LINGO2: variants seen among roughly 807,000 people sequenced by gnomAD.
LINGO2 encodes leucine-rich repeat and immunoglobulin-like domain-containing nogo receptor-interacting protein 2.
Under a neutral mutation model 30.6 loss-of-function variants are expected in LINGO2, and 14 were observed. The observed-to-expected ratio is 0.46, with a 90% CI of 0.30 to 0.72. The LOEUF is 0.72. Among genes scored for constraint, LINGO2 ranks in the 30% least tolerant of loss-of-function variants. LINGO2 has a pLI of 0.07. For synonymous variants in LINGO2, 317 were observed against 288.5 expected (o/e 1.10, Z -1.00); for missense variants, 729 against 751.7 (o/e 0.97, Z 0.35).
At chr9:28,370,185 CCT>C (rs1284914622) in intron 3 of LINGO2, among the ~76,000 whole-genome samples, 3 of 152,218 alleles carry the variant, frequency 2.0e-5, no homozygotes, top group South Asian at 2.1e-4. Context: ...GCCTCTGGAT[CCT>C]CTCTATCTAT....
chr9:28,722,383 C>G, the LINGO2 span, among the ~76,000 whole-genome samples: 7 of 152,070 alleles, frequency 4.6e-5, no homozygotes, highest in Admixed American at 3.9e-4. Context: ...GGGACTAAAT[C>G]TGTATAATTA....
At chr9:28,799,970 T>A in the LINGO2 span, among the ~76,000 whole-genome samples, 2 of 151,338 alleles carry the variant, frequency 1.3e-5, no homozygotes. Flanking sequence ...AGCAAAAAAC[T>A]TTTTTTTTCA....
chr9:28,257,553 T>C (rs941682427), intron 4 of LINGO2, among the ~76,000 whole-genome samples: 2 of 151,962 alleles, frequency 1.3e-5, no homozygotes, highest in African/African-American at 4.8e-5. Context: ...TATAATTCAG[T>C]AACAGAAAAT....
At chr9:28,675,928 TACACACACAC>T in the LINGO2 span, among the ~76,000 whole-genome samples, 1 of 135,680 alleles carries the variant, frequency 7.4e-6, no homozygotes, top group Admixed American at 7.6e-5. Flanking sequence ...TATATATACA[TACACACACAC>T]ACACACACAC....
chr9:28,209,944 TTA>T (rs938428083), intron 4 of LINGO2, among the ~76,000 whole-genome samples: 5 of 151,748 alleles, frequency 3.3e-5, no homozygotes, highest in Non-Finnish European at 7.4e-5. Context: ...TTCCACCAAC[TTA>T]TCTCCTTAGC....
chr9:28,630,584 A>G (rs62548185), intron 1 of LINGO2, among the ~76,000 whole-genome samples: 12,087 of 152,128 alleles, frequency 0.079, 668 homozygotes, highest in Admixed American at 0.2. Flanking sequence ...CTATCAGACT[A>G]ACAACACACA....
the LINGO2 span, among the ~76,000 whole-genome samples, chr9:28,793,439 GC>G: frequency 1.3e-5 from 2 of 152,118 alleles, no homozygotes; most frequent in Non-Finnish European, 2.9e-5. Flanking sequence ...TCTGCCTTTT[GC>G]GGAGAGTTGT....
chr9:28,848,363 TTGTGTGTG>T, the LINGO2 span, among the ~76,000 whole-genome samples: 57 of 74,652 alleles, frequency 7.6e-4, no homozygotes, highest in Middle Eastern at 0.014. Context: ...TACACATATA[TTGTGTGTG>T]TGTGTGTGTG....
chr9:28,294,213 T>C (rs1040071630), intron 4 of LINGO2, among the ~76,000 whole-genome samples: 17 of 152,204 alleles, frequency 1.1e-4, no homozygotes, highest in Non-Finnish European at 2.9e-5. Flanking sequence ...TATATCCAAA[T>C]AATTATGTCA....
chr9:28,852,988 T>C, the LINGO2 span, among the ~76,000 whole-genome samples: 1 of 152,040 alleles, frequency 6.6e-6, no homozygotes, highest in African/African-American at 2.4e-5. Flanking sequence ...TCTACATTTC[T>C]CAAAGGAGGG....
At chr9:28,588,761 G>T (rs1303228081) in intron 1 of LINGO2, among the ~76,000 whole-genome samples, 1 of 151,946 alleles carries the variant, frequency 6.6e-6, no homozygotes, top group Non-Finnish European at 1.5e-5. Context: ...GCTAAAATTG[G>T]GCTGTGGTTA....
chr9:28,871,138 G>T, the LINGO2 span, among the ~76,000 whole-genome samples: 1 of 151,520 alleles, frequency 6.6e-6, no homozygotes, highest in African/African-American at 2.4e-5. Context: ...TATAAATAAG[G>T]AAATTGTTAA....
chr9:27,966,137 G>A (rs1381036670), intron 5 of LINGO2, among the ~76,000 whole-genome samples: 1 of 152,040 alleles, frequency 6.6e-6, no homozygotes, highest in Non-Finnish European at 1.5e-5. Context: ...TCTCTCAACT[G>A]AAGGAAGTAC....
At chr9:28,091,932 G>A (rs1309757062) in intron 4 of LINGO2, among the ~76,000 whole-genome samples, 4 of 152,058 alleles carry the variant, frequency 2.6e-5, no homozygotes, top group African/African-American at 9.7e-5. Flanking sequence ...GCAGCCAAAA[G>A]ACACATGAAA....
rs1389466359 is a variant in LINGO2 at position 28,016,002 on chromosome 9, A to AG, written c.-86-3598_-86-3597insC. On this transcript the variant is annotated intron_variant, in intron 4 of 5. Transcript: ENST00000379992. The stretch of plus-strand genomic sequence containing the variant: ...ATGAAGGAAAAGTAAAAGGGACAAA[A>AG]AAAAAAAAAAAAGATACCTCAGGGA... Among the ~76,000 whole-genome samples, 14 of 147,100 alleles carry AG rather than the reference A, an allele frequency of 9.5e-5. No individual in the cohort carries two copies. In the East Asian group the frequency reaches 2.7e-3, roughly 29 times the overall value.
chr9:28,205,417 A>T lies in LINGO2; in HGVS notation c.-87+89791T>A, dbSNP rs1820376129. Among the ~76,000 whole-genome samples the T allele has an allele frequency of 3.9e-5, 6 of 152,040 alleles. No homozygotes were observed. In the South Asian group the frequency reaches 1.2e-3, roughly 32 times the overall value. ...GAGATGCCTTCCCCGATCTATCCCA[A>T]TCCATTACTCTTGGTCATATCATCA... is the stretch of plus-strand genomic sequence containing the variant. On this transcript the variant is annotated intron_variant, in intron 4 of 5. Coordinates refer to ENST00000379992, the Ensembl canonical transcript of LINGO2.
At chr9:28,818,565 T>C in the LINGO2 span, among the ~76,000 whole-genome samples, 2 of 152,138 alleles carry the variant, frequency 1.3e-5, no homozygotes, top group Non-Finnish European at 2.9e-5. Flanking sequence ...TTTGTATTTT[T>C]ATTAGAGACA....
chr9:28,253,467 T>G (rs555422293), intron 4 of LINGO2, among the ~76,000 whole-genome samples: 1 of 152,308 alleles, frequency 6.6e-6, no homozygotes, highest in African/African-American at 2.4e-5. Context: ...AGCATTCTTA[T>G]TTCTTTCTCT....
At chr9:28,632,681 A>T (rs1393880651) in intron 1 of LINGO2, among the ~76,000 whole-genome samples, 9 of 94,724 alleles carry the variant, frequency 9.5e-5, no homozygotes, top group Admixed American at 4.6e-4. Context: ...TATCTATATA[A>T]AAATATATTT....
Sources: gnomAD v4.1 joint callset for allele counts (sites outside exome capture counted in the v4.1 genomes callset) on GRCh38, gnomAD v4.1.1 for gene constraint, MANE v1.5 for transcripts, NCBI Gene and HGNC (gene_info 2026-07-23, HGNC 2026-07-21) for gene names.